Variants in CACNG2 observed in about 807,000 individuals in gnomAD.
CACNG2 encodes the protein voltage-dependent calcium channel gamma-2 subunit.
CACNG2 carries 3 observed loss-of-function variants against 25.9 expected under a neutral mutation model. The ratio of observed to expected loss-of-function variants is 0.12; its 90% CI spans 0.05 to 0.30. The LOEUF is 0.30. Among genes scored for constraint, CACNG2 ranks in the 10% least tolerant of loss-of-function variants. The pLI is 1.00. For synonymous variants in CACNG2, 167 were observed against 173.3 expected (o/e 0.96, Z 0.29); for missense variants, 341 against 432.5 (o/e 0.79, Z 1.88).
At chr22:36,601,136 C>G (rs1372519119) in intron 1 of CACNG2, among the ~76,000 whole-genome samples, 3 of 152,174 alleles carry the variant, frequency 2.0e-5, no homozygotes, top group Admixed American at 6.5e-5. Flanking sequence ...ACCTATATCT[C>G]TCCATTTCTT....
At chr22:36,696,837 G>A (rs1037548266) in intron 1 of CACNG2, among the ~76,000 whole-genome samples, 1 of 152,166 alleles carries the variant, frequency 6.6e-6, no homozygotes. Context: ...ACTGCCCTTC[G>A]AGGAGGAGAT....
At chr22:36,627,283 T>A (rs929049249) in intron 1 of CACNG2, among the ~76,000 whole-genome samples, 9 of 132,952 alleles carry the variant, frequency 6.8e-5, no homozygotes, top group African/African-American at 2.7e-4. Context: ...TGGGGACGTG[T>A]GTGTGTGTGT....
At chr22:36,693,451 A>G (rs897090062) in intron 1 of CACNG2, among the ~76,000 whole-genome samples, 1 of 152,152 alleles carries the variant, frequency 6.6e-6, no homozygotes, top group South Asian at 2.1e-4. Flanking sequence ...CCTGCTCAGC[A>G]AGTCTCATCA....
intron 1 of CACNG2, among the ~76,000 whole-genome samples, chr22:36,625,026 CAAAAAAA>C (rs57987215): frequency 3.0e-5 from 2 of 67,638 alleles, no homozygotes; most frequent in African/African-American, 1.4e-4. Flanking sequence ...GACTCTGTCT[CAAAAAAA>C]AAAAAAAAAG....
intron 1 of CACNG2, among the ~76,000 whole-genome samples, chr22:36,619,608 A>T (rs1327828119): frequency 6.6e-6 from 1 of 152,250 alleles, no homozygotes; most frequent in Non-Finnish European, 1.5e-5. Flanking sequence ...ACATCAGTTG[A>T]CAGTAGTCCC....
At chr22:36,669,508 CAA>C (rs1157379465) in intron 1 of CACNG2, among the ~76,000 whole-genome samples, 15,096 of 61,014 alleles carry the variant, frequency 0.25, 459 homozygotes, top group Middle Eastern at 0.31. Context: ...ACTCTATCTC[CAA>C]AAAAAAAAAA....
Position 36,592,939 on chromosome 22 carries a change from C to CGCCCA in CACNG2, c.212-5396_212-5392dup, listed in dbSNP as rs1204252912. On this transcript the variant is annotated intron_variant, in intron 1 of 3. Coordinates refer to ENST00000300105, the MANE Select transcript of CACNG2 (RefSeq NM_006078.5). ...CTCTCATCGGCAGGGCAGTGGTGTG[C>CGCCCA]GCCCAGCCCAGCCCAGTCCCACCAG... is the stretch of plus-strand genomic sequence containing the variant. Among the ~76,000 whole-genome samples, 3 of 152,294 alleles carry CGCCCA rather than the reference C, an allele frequency of 2.0e-5. No individual in the cohort carries two copies. In the South Asian group the frequency reaches 6.2e-4, roughly 32 times the overall value.
intron 1 of CACNG2, among the ~76,000 whole-genome samples, chr22:36,628,132 C>T (rs994720516): frequency 6.6e-6 from 1 of 152,104 alleles, no homozygotes; most frequent in Non-Finnish European, 1.5e-5. Context: ...CTTCTATATA[C>T]TTTTCTGTAT....
At chr22:36,590,525 C>A (rs1379730166) in intron 1 of CACNG2, among the ~76,000 whole-genome samples, 1 of 152,068 alleles carries the variant, frequency 6.6e-6, no homozygotes, top group South Asian at 2.1e-4. Flanking sequence ...TCCATCAGGG[C>A]GTCCTGTCTG....
chr22:36,638,237 T>A (rs1936388329), intron 1 of CACNG2, among the ~76,000 whole-genome samples: 1 of 152,200 alleles, frequency 6.6e-6, no homozygotes, highest in Non-Finnish European at 1.5e-5. Flanking sequence ...TGCCTGTTTC[T>A]TGCTTCCTTC....
At chr22:36,664,168 G>A (rs560321055) in intron 1 of CACNG2, among the ~76,000 whole-genome samples, 99 of 228 alleles carry the variant, frequency 0.43, no homozygotes, top group African/African-American at 0.49. Flanking sequence ...GTACATATAG[G>A]GGAGAGAACA....
intron 1 of CACNG2, among the ~76,000 whole-genome samples, chr22:36,636,841 G>A (rs141698589): frequency 2.0e-5 from 3 of 152,306 alleles, no homozygotes; most frequent in East Asian, 1.9e-4. Flanking sequence ...AGGCATTCAC[G>A]TGGCTAAAAT....
Position 36,652,065 on chromosome 22 carries a change from C to T in CACNG2, c.211+50301G>A, listed in dbSNP as rs9622446. ...ATTTTTAGTAGAGATAGGGTTTCAC[C>T]GTGTTGGCCAGGCTGCTCTGAAACT... On this transcript the variant is annotated intron_variant, in intron 1 of 3. Transcript: ENST00000300105. 3.4e-3 allele frequency among the ~76,000 whole-genome samples: 517 copies of T among 152,190 alleles called. 8 individuals carry two copies. The highest frequency in any genetic ancestry group is 0.012 in the African/African-American group (497 of 41,510).
intron 1 of CACNG2, among the ~76,000 whole-genome samples, chr22:36,591,002 A>G (rs1935582549): frequency 6.6e-6 from 1 of 151,528 alleles, no homozygotes; most frequent in African/African-American, 2.4e-5. Context: ...GTCCTCCACT[A>G]GCTGGCTAGT....
intron 1 of CACNG2, among the ~76,000 whole-genome samples, chr22:36,698,127 A>G (rs1427954777): frequency 6.6e-6 from 1 of 151,298 alleles, no homozygotes; most frequent in Non-Finnish European, 1.5e-5. Context: ...TGACTTCCGC[A>G]CCCCCTTCTC....
chr22:36,566,348 G>A lies in CACNG2; in HGVS notation c.436+5C>T, dbSNP rs1935124223. On this transcript the variant is annotated splice_donor_5th_base_variant and intron_variant, in intron 3 of 3. Coordinates refer to ENST00000300105, the MANE Select transcript of CACNG2 (RefSeq NM_006078.5). The stretch of plus-strand genomic sequence containing the variant: ...CAGTGGCAGGACTGGATCAGTGGCT[G>A]TTACCTGCAGACACGAAGAAGATGC... 5 of 1,613,884 alleles carry A rather than the reference G, an allele frequency of 3.1e-6. No individual in the cohort carries two copies. The highest frequency in any genetic ancestry group is 2.2e-5 in the East Asian group (1 of 44,888).
At chr22:36,642,099 G>A (rs1334462311) in intron 1 of CACNG2, among the ~76,000 whole-genome samples, 1 of 152,130 alleles carries the variant, frequency 6.6e-6, no homozygotes, top group African/African-American at 2.4e-5. Context: ...CGGAGGGGAA[G>A]CTGATTCTGA....
At chr22:36,657,422 T>C (rs1883987) in intron 1 of CACNG2, among the ~76,000 whole-genome samples, 50,526 of 151,966 alleles carry the variant, frequency 0.33, 8,647 homozygotes, top group Middle Eastern at 0.45. Context: ...AAGCTCATGC[T>C]ACTCCCATGT....
intron 1 of CACNG2, among the ~76,000 whole-genome samples, chr22:36,608,483 G>T (rs1051552370): frequency 1.3e-5 from 2 of 152,172 alleles, no homozygotes; most frequent in African/African-American, 4.8e-5. Flanking sequence ...AGATATGGGA[G>T]ACTTTAAAAA....
Sources: gnomAD v4.1 joint callset for allele counts (sites outside exome capture counted in the v4.1 genomes callset) on GRCh38, gnomAD v4.1.1 for gene constraint, MANE v1.5 for transcripts, NCBI Gene and HGNC (gene_info 2026-07-23, HGNC 2026-07-21) for gene names.